The following YAP1 variants were observed in gnomAD, a reference collection of about 807,000 sequenced individuals.
YAP1 encodes transcriptional coactivator YAP1.
Under a neutral mutation model 56.9 loss-of-function variants are expected in YAP1, and 5 were observed. That is an observed-to-expected ratio of 0.09 (90% CI 0.05 to 0.18). The LOEUF (loss-of-function observed/expected upper bound fraction) is 0.18. Ranked by LOEUF, YAP1 falls within the 10% of genes least tolerant of loss-of-function variation. The pLI is 1.00. For synonymous variants in YAP1, 265 were observed against 248.1 expected (o/e 1.07, Z -0.64); for missense variants, 539 against 651.8 (o/e 0.83, Z 1.88).
chr11:102,222,878 G>C (rs113393053), intron 6 of YAP1, among the ~76,000 whole-genome samples: 7 of 151,130 alleles, frequency 4.6e-5, no homozygotes, highest in Non-Finnish European at 7.4e-5. Flanking sequence ...TTTTTTTGGC[G>C]GGGGAGGGGG....
At chr11:102,176,337 A>G (rs1177532413) in intron 3 of YAP1, among the ~76,000 whole-genome samples, 1 of 152,162 alleles carries the variant, frequency 6.6e-6, no homozygotes, top group African/African-American at 2.4e-5. Flanking sequence ...TGAACACAAA[A>G]CAATACATAC....
intron 3 of YAP1, among the ~76,000 whole-genome samples, chr11:102,169,614 T>A (rs904734819): frequency 1.1e-4 from 17 of 152,228 alleles, no homozygotes; most frequent in African/African-American, 4.1e-4. Flanking sequence ...ATACCTTTTT[T>A]AAAAACTTTT....
intron 2 of YAP1, among the ~76,000 whole-genome samples, chr11:102,146,036 G>C (rs1396280675): frequency 6.6e-6 from 1 of 152,200 alleles, no homozygotes; most frequent in East Asian, 1.9e-4. Context: ...AGTTAAGTCA[G>C]AATGTCAAGG....
intron 2 of YAP1, among the ~76,000 whole-genome samples, chr11:102,153,362 T>C (rs1018650214): frequency 3.3e-5 from 5 of 152,154 alleles, no homozygotes; most frequent in African/African-American, 7.2e-5. Context: ...CCCACCACAG[T>C]TGTAGTGGAC....
At chr11:102,182,272 A>T (rs1947672050) in intron 3 of YAP1, among the ~76,000 whole-genome samples, 1 of 152,210 alleles carries the variant, frequency 6.6e-6, no homozygotes, top group South Asian at 2.1e-4. Context: ...TTTATAGCAC[A>T]TTATAATCAG....
chr11:102,113,343 A>G (rs1379500451), intron 1 of YAP1, among the ~76,000 whole-genome samples: 1 of 152,242 alleles, frequency 6.6e-6, no homozygotes, highest in East Asian at 1.9e-4. Flanking sequence ...TATTTTATAA[A>G]GGAGAAAACA....
intron 6 of YAP1, among the ~76,000 whole-genome samples, chr11:102,215,698 C>G (rs185877032): frequency 6.6e-5 from 10 of 152,240 alleles, no homozygotes; most frequent in African/African-American, 2.2e-4. Context: ...AGGCTGGTCT[C>G]GAACTCCTGA....
At chr11:102,194,168 G>A (rs1948453274) in intron 4 of YAP1, among the ~76,000 whole-genome samples, 1 of 152,254 alleles carries the variant, frequency 6.6e-6, no homozygotes, top group African/African-American at 2.4e-5. Flanking sequence ...TGTATTAACA[G>A]CAAACATCTT....
chr11:102,176,875 C>T (rs1199597088), intron 3 of YAP1, among the ~76,000 whole-genome samples: 3 of 150,200 alleles, frequency 2.0e-5, no homozygotes, highest in Admixed American at 6.6e-5. Flanking sequence ...GTGCATGACA[C>T]TTCTGGGTAC....
chr11:102,143,868 A>G (rs749695965), intron 2 of YAP1, among the ~76,000 whole-genome samples: 1 of 152,216 alleles, frequency 6.6e-6, no homozygotes, highest in Non-Finnish European at 1.5e-5. Context: ...ATTTGTCATA[A>G]CCTCCTTAAT....
chr11:102,220,196 C>A (rs1424955415), intron 6 of YAP1, among the ~76,000 whole-genome samples: 5 of 151,710 alleles, frequency 3.3e-5, no homozygotes, highest in African/African-American at 1.2e-4. Flanking sequence ...CTTGTCTCTA[C>A]AAAAAAATTT....
chr11:102,141,872 G>T (rs1396862219), intron 2 of YAP1, among the ~76,000 whole-genome samples: 1 of 152,162 alleles, frequency 6.6e-6, no homozygotes, highest in African/African-American at 2.4e-5. Context: ...TGTGCCAGCT[G>T]ATTTACTGAC....
At chr11:102,203,626 A>G (rs1415123947) in intron 4 of YAP1, among the ~76,000 whole-genome samples, 1 of 152,194 alleles carries the variant, frequency 6.6e-6, no homozygotes, top group East Asian at 1.9e-4. Flanking sequence ...GTACACAAGG[A>G]TTCATTATCT....
chr11:102,161,862 A>C (rs897607708), intron 2 of YAP1, among the ~76,000 whole-genome samples: 2 of 152,208 alleles, frequency 1.3e-5, no homozygotes, highest in African/African-American at 4.8e-5. Flanking sequence ...GTAAGTTAAC[A>C]ATTATGTAGA....
intron 1 of YAP1, among the ~76,000 whole-genome samples, chr11:102,113,822 G>A (rs1197702005): frequency 6.6e-6 from 1 of 152,032 alleles, no homozygotes; most frequent in Non-Finnish European, 1.5e-5. Context: ...TAAAAATTAG[G>A]TTTTAAAATT....
At chr11:102,149,313 A>G (rs1386642611) in intron 2 of YAP1, among the ~76,000 whole-genome samples, 2 of 152,228 alleles carry the variant, frequency 1.3e-5, no homozygotes, top group Non-Finnish European at 2.9e-5. Flanking sequence ...AAGAGAAGGA[A>G]GAGACATGGT....
chr11:102,172,562 G>A (rs938276684), intron 3 of YAP1, among the ~76,000 whole-genome samples: 1 of 151,074 alleles, frequency 6.6e-6, no homozygotes, highest in Non-Finnish European at 1.5e-5. Flanking sequence ...GCTTTTCTGG[G>A]GATTACATGT....
chr11:102,172,625 T>C (rs569836114), intron 3 of YAP1, among the ~76,000 whole-genome samples: 28 of 152,202 alleles, frequency 1.8e-4, no homozygotes, highest in Admixed American at 1.0e-3. Context: ...TTGATTTCTT[T>C]ATCCAAATAT....
At position 102,205,924 on chromosome 11, in the gene YAP1, A is replaced by C. The variant is rs1252314632; in HGVS notation, c.834A>C (p.Pro278=). The change falls in exon 5 of 9, where the codon CCA becomes CCC. Residue 278 remains proline (P), a synonymous_variant. Coordinates refer to ENST00000282441, the MANE Select transcript of YAP1 (RefSeq NM_001130145.3). ...ACCAGAGAATCAGTCAGAGTGCTCC[A>C]GTGAAACAGCCACCACCCCTGGCTC... ...AMNQRISQSA[P]VKQPPPLAPQ... 6.2e-7 allele frequency: 1 copy of C among 1,603,318 alleles called. No homozygotes were observed. Among genetic ancestry groups the C allele is most frequent in the East Asian group, 2.2e-5 (1 of 44,542 alleles).
Sources: allele counts gnomAD v4.1 joint callset (sites outside exome capture counted in the v4.1 genomes callset), GRCh38; gene constraint gnomAD v4.1.1; transcripts MANE v1.5; gene names NCBI Gene and HGNC (gene_info 2026-07-23, HGNC 2026-07-21).